CORO2A: variants seen among roughly 807,000 people sequenced by gnomAD.
The protein encoded by CORO2A is coronin 2A.
CORO2A carries 47 observed loss-of-function variants against 62.4 expected under a neutral mutation model. The observed-to-expected ratio is 0.75, with a 90% CI of 0.60 to 0.96. The LOEUF (loss-of-function observed/expected upper bound fraction) is 0.96, where lower values mean the gene tolerates loss of function less well. Among genes scored for constraint, CORO2A ranks in the 40% least tolerant of loss-of-function variants. The pLI is 0.00. For missense variants in CORO2A, 610 were observed against 684.1 expected (o/e 0.89, Z 1.21); for synonymous variants, 273 against 268.9 (o/e 1.02, Z -0.15).
At chr9:98,130,153 C>T (rs1168613739) in intron 7 of CORO2A, among the ~76,000 whole-genome samples, 1 of 152,136 alleles carries the variant, frequency 6.6e-6, no homozygotes, top group African/African-American at 2.4e-5. Flanking sequence ...GTAGTGCAAT[C>T]ACAGCTCATT....
chr9:98,186,427 G>A (rs1432694133), intron 1 of CORO2A, among the ~76,000 whole-genome samples: 1 of 152,104 alleles, frequency 6.6e-6, no homozygotes, highest in African/African-American at 2.4e-5. Flanking sequence ...ATGATCCTGG[G>A]CTAGCTACCC....
intron 2 of CORO2A, among the ~76,000 whole-genome samples, chr9:98,151,504 T>C (rs941389335): frequency 1.3e-5 from 2 of 152,202 alleles, no homozygotes; most frequent in Admixed American, 1.3e-4. Context: ...TGCAATTCAT[T>C]TTTGTGTTCT....
intron 7 of CORO2A, 55 bp from the exon 8 acceptor site, chr9:98,129,945 C>T (rs1827381946): frequency 2.9e-6 from 4 of 1,400,816 alleles, no homozygotes. Flanking sequence ...AGCTCATCAG[C>T]TCATCAGCAA....
Position 98,181,121 on chromosome 9 carries a change from C to T in CORO2A, c.-1+11438G>A, listed in dbSNP as rs576431814. On this transcript the variant is annotated intron_variant, in intron 1 of 11. Transcript: ENST00000375077. ...GAGGAAAATGGTGGACAATAACCAGCCCTGGGAAGGAGGCCCCAGTGGGGT... is the reference window on the plus strand; with the variant it reads ...GAGGAAAATGGTGGACAATAACCAGTCCTGGGAAGGAGGCCCCAGTGGGGT... Among the ~76,000 whole-genome samples, 3 of 152,222 alleles carry T rather than the reference C, an allele frequency of 2.0e-5. No individual in the cohort carries two copies. The East Asian group carries it at 5.8e-4, about 29-fold the overall frequency.
intron 1 of CORO2A, among the ~76,000 whole-genome samples, chr9:98,170,306 C>T (rs1336021086): frequency 6.6e-6 from 1 of 152,208 alleles, no homozygotes; most frequent in Admixed American, 6.5e-5. Context: ...GGGAGGCCAA[C>T]CTGACTCCCA....
At chr9:98,153,154 C>A (rs910057848) in intron 2 of CORO2A, among the ~76,000 whole-genome samples, 2 of 152,182 alleles carry the variant, frequency 1.3e-5, no homozygotes, top group African/African-American at 4.8e-5. Flanking sequence ...GGCTGGAGTG[C>A]AGTGGCACGA....
chr9:98,136,070 CCTT>C (rs944668071), intron 3 of CORO2A, among the ~76,000 whole-genome samples: 14 of 152,238 alleles, frequency 9.2e-5, no homozygotes, highest in Non-Finnish European at 2.1e-4. Context: ...AAAGCCCCTT[CCTT>C]CTTCAGTCCC....
chr9:98,160,878 T>C (rs1006773561), intron 1 of CORO2A, among the ~76,000 whole-genome samples: 24 of 151,924 alleles, frequency 1.6e-4, no homozygotes, highest in Non-Finnish European at 2.6e-4. Context: ...GTGATGTGTG[T>C]CACTTCCAGG....
chr9:98,170,068 T>C lies in CORO2A; in HGVS notation c.1-12408A>G, dbSNP rs544804728. 2.0e-5 allele frequency among the ~76,000 whole-genome samples: 3 copies of C among 152,356 alleles called. No individual in the cohort carries two copies. In the South Asian group the frequency reaches 6.2e-4, roughly 32 times the overall value. On this transcript the variant is annotated intron_variant, in intron 1 of 11. Transcript: ENST00000375077. ...GTAGCATTAGAGTATCCTCATATTTTTCTCATAGAATCTAGAAGATTAAAT... is the reference window on the plus strand; with the variant it reads ...GTAGCATTAGAGTATCCTCATATTTCTCTCATAGAATCTAGAAGATTAAAT...
chr9:98,152,594 T>C (rs1485203565), intron 2 of CORO2A, among the ~76,000 whole-genome samples: 1 of 152,214 alleles, frequency 6.6e-6, no homozygotes, highest in Non-Finnish European at 1.5e-5. Flanking sequence ...TGTAGATGCT[T>C]CTAACATTTC....
chr9:98,159,868 A>G (rs1168905773), intron 1 of CORO2A, among the ~76,000 whole-genome samples: 1 of 151,866 alleles, frequency 6.6e-6, no homozygotes, highest in Non-Finnish European at 1.5e-5. Context: ...CACCTTCCCC[A>G]CTTAGGGGAA....
In CORO2A at chr9:98,155,736, TA is replaced by T. The variant is rs1827795269; in HGVS notation, c.201+1723del. Among the ~76,000 whole-genome samples the T allele has an allele frequency of 2.6e-5, 4 of 152,332 alleles. No individual in the cohort carries two copies. In the South Asian group the frequency reaches 8.3e-4, roughly 32 times the overall value. On this transcript the variant is annotated intron_variant, in intron 2 of 11. Coordinates refer to ENST00000375077, the MANE Select transcript of CORO2A (RefSeq NM_052820.4). ...TACATAAATCAGTATTGACAAGTTATATTTTTTAAGGAGTTTGCCCATATTG... is the reference window on the plus strand; with the variant it reads ...TACATAAATCAGTATTGACAAGTTATTTTTTTAAGGAGTTTGCCCATATTG...
At chr9:98,148,102 A>AG (rs1827668934) in intron 2 of CORO2A, among the ~76,000 whole-genome samples, 1 of 150,868 alleles carries the variant, frequency 6.6e-6, no homozygotes, top group Non-Finnish European at 1.5e-5. Context: ...AAAAAGAAAA[A>AG]AAAAAAAAGA....
intron 1 of CORO2A, among the ~76,000 whole-genome samples, chr9:98,191,240 C>T (rs12344700): frequency 0.24 from 35,778 of 152,086 alleles, 4,283 homozygotes; most frequent in African/African-American, 0.25. Flanking sequence ...CTCCTCACTC[C>T]GGACCTCTCA....
intron 2 of CORO2A, among the ~76,000 whole-genome samples, chr9:98,153,064 G>C (rs543164370): frequency 2.0e-5 from 3 of 152,276 alleles, no homozygotes; most frequent in Non-Finnish European, 4.4e-5. Context: ...CCGAAGTACA[G>C]TATTTGGGGG....
rs1411103250 is a variant in CORO2A at position 98,134,923 on chromosome 9, C to T, written c.351G>A (p.Leu117=). 1 of 1,614,110 alleles carries T rather than the reference C, an allele frequency of 6.2e-7. No homozygotes were observed. The highest frequency in any genetic ancestry group is 1.1e-5 in the South Asian group (1 of 91,070). The change falls in exon 4 of 12, where the codon CTG becomes CTA. Residue 117 remains leucine, a synonymous_variant. Transcript: ENST00000375077. ...IKIWSIPKQL[L]TRNLTAYRKE... is the part of the protein sequence containing the mutation. The stretch of plus-strand genomic sequence containing the variant: ...TCCTGTAGGCCGTGAGGTTCCTGGT[C>T]AGCAGCTGCTTGGGGATGCTCCAGA...
chr9:98,128,907 A>G (rs973373108), intron 8 of CORO2A, among the ~76,000 whole-genome samples, 188 bp from the exon 9 acceptor site: 1 of 152,160 alleles, frequency 6.6e-6, no homozygotes, highest in Non-Finnish European at 1.5e-5. Flanking sequence ...CAGACTCTTC[A>G]CCTTCAAAGA....
intron 2 of CORO2A, among the ~76,000 whole-genome samples, chr9:98,142,140 T>C (rs1827576843): frequency 6.6e-6 from 1 of 152,244 alleles, no homozygotes; most frequent in East Asian, 1.9e-4. Context: ...GTTATAAAAC[T>C]GTAGCTCTTG....
chr9:98,149,751 T>C (rs1313362131), intron 2 of CORO2A, among the ~76,000 whole-genome samples: 2 of 152,122 alleles, frequency 1.3e-5, no homozygotes. Flanking sequence ...CACATGAAAA[T>C]TGGAGGGGAC....
Sources: allele counts gnomAD v4.1 joint callset (sites outside exome capture counted in the v4.1 genomes callset), GRCh38; gene constraint gnomAD v4.1.1; transcripts MANE v1.5; gene names NCBI Gene and HGNC (gene_info 2026-07-23, HGNC 2026-07-21).